KLRG1: variants seen among roughly 807,000 people sequenced by gnomAD.
KLRG1 encodes the protein killer cell lectin-like receptor subfamily G member 1.
In KLRG1, 16 loss-of-function variants were observed where a neutral mutation model predicts 21.8. The ratio of observed to expected loss-of-function variants is 0.73; its 90% CI spans 0.50 to 1.11. KLRG1 has a LOEUF of 1.11. Ranked by LOEUF, KLRG1 falls within the 50% of genes most tolerant of loss-of-function variation. KLRG1 has a pLI of 0.00. For synonymous variants in KLRG1, 69 were observed against 75.9 expected, an observed-to-expected ratio of 0.91 and a Z score of 0.47; for missense variants, 173 against 218.3, an observed-to-expected ratio of 0.79 and a Z score of 1.31.
At chr12:9,185,957 A>G in the KLRG1 span, among the ~76,000 whole-genome samples, 2 of 151,540 alleles carry the variant, frequency 1.3e-5, no homozygotes, top group Non-Finnish European at 2.9e-5. Context: ...ACAGGCGTGC[A>G]CCATCACACC....
At chr12:9,012,912 G>T (rs1213620155), downstream of KLRG1, among the ~76,000 whole-genome samples, 1 of 152,190 alleles carries the variant, frequency 6.6e-6, no homozygotes, top group Non-Finnish European at 1.5e-5. Context: ...CCAGTGCTAT[G>T]CTGGCTTCAG....
intron 1 of KLRG1, chr12:8,990,188 T>C (rs1173455863): frequency 6.7e-6 from 1 of 149,052 alleles, no homozygotes; most frequent in African/African-American, 2.5e-5. Flanking sequence ...TATCTAGTTT[T>C]GTTTTTTTTT....
intron 3 of KLRG1, among the ~76,000 whole-genome samples, chr12:9,006,233 T>C (rs1407122182): frequency 6.6e-6 from 1 of 152,242 alleles, no homozygotes; most frequent in East Asian, 1.9e-4. Context: ...TATGGTGATA[T>C]GTGCTTTAAA....
At chr12:9,161,706 CCTT>C in the KLRG1 span, among the ~76,000 whole-genome samples, 1 of 152,192 alleles carries the variant, frequency 6.6e-6, no homozygotes, top group African/African-American at 2.4e-5. Flanking sequence ...TTAAATTAGT[CCTT>C]CTCAAATGAC....
intron 1 of KLRG1, among the ~76,000 whole-genome samples, chr12:8,980,926 A>G (rs1946745172): frequency 6.6e-6 from 1 of 152,156 alleles, no homozygotes; most frequent in African/African-American, 2.4e-5. Flanking sequence ...AGCTGATGGT[A>G]TTCCTCTTGT....
the KLRG1 span, among the ~76,000 whole-genome samples, chr12:9,074,321 A>G: frequency 1.2e-4 from 19 of 152,096 alleles, no homozygotes; most frequent in Non-Finnish European, 2.2e-4. Flanking sequence ...CAGTGTTGTT[A>G]TGGGAAATAG....
chr12:9,169,299 G>A, the KLRG1 span: 15 of 917,096 alleles, frequency 1.6e-5, no homozygotes, highest in African/African-American at 2.1e-4. Context: ...CCTTTTTATT[G>A]GCTTCATTTT....
the KLRG1 span, among the ~76,000 whole-genome samples, chr12:9,132,839 T>G: frequency 2.6e-5 from 4 of 152,164 alleles, no homozygotes; most frequent in African/African-American, 9.7e-5. Flanking sequence ...AAGAAAAAAT[T>G]TCCACCTGAT....
At chr12:9,023,453 C>G in the KLRG1 span, among the ~76,000 whole-genome samples, 1 of 152,098 alleles carries the variant, frequency 6.6e-6, no homozygotes, top group Non-Finnish European at 1.5e-5. Flanking sequence ...TTAAGGAAAT[C>G]TTTGCCTAGT....
At chr12:9,158,306 C>G in the KLRG1 span, 1 of 1,409,148 alleles carries the variant, frequency 7.1e-7, no homozygotes, top group Non-Finnish European at 9.8e-7. Context: ...TGATGCCATC[C>G]CACATCATCC....
At chr12:9,104,102 A>T in the KLRG1 span, 2 of 851,260 alleles carry the variant, frequency 2.3e-6, no homozygotes, top group Non-Finnish European at 3.5e-6. Flanking sequence ...TAAAAAAGTT[A>T]ACCTTCAATC....
chr12:9,077,594 A>G, the KLRG1 span: 8 of 1,534,926 alleles, frequency 5.2e-6, no homozygotes, highest in Middle Eastern at 1.8e-4. Flanking sequence ...TCCAGGTTTT[A>G]TTTTCCTCTG....
the KLRG1 span, among the ~76,000 whole-genome samples, chr12:9,026,437 C>T: frequency 6.6e-6 from 1 of 152,204 alleles, no homozygotes. Flanking sequence ...CCACTGGCAA[C>T]AGATGAGGGT....
chr12:9,187,380 A>G, the KLRG1 span, among the ~76,000 whole-genome samples: 1 of 152,208 alleles, frequency 6.6e-6, no homozygotes, highest in Non-Finnish European at 1.5e-5. Flanking sequence ...CAACACATAC[A>G]TTCTTCTCAA....
At chr12:9,037,561 CA>C in the KLRG1 span, among the ~76,000 whole-genome samples, 1 of 152,130 alleles carries the variant, frequency 6.6e-6, no homozygotes, top group African/African-American at 2.4e-5. Flanking sequence ...CTTGAGTATA[CA>C]GTGTGTATAA....
chr12:9,205,854 T>C, the KLRG1 span, among the ~76,000 whole-genome samples: 1 of 152,314 alleles, frequency 6.6e-6, no homozygotes, highest in South Asian at 2.1e-4. Context: ...CAAGGATAAT[T>C]GAGTTGTGGA....
chr12:9,109,241 G>T, the KLRG1 span: 1 of 1,153,232 alleles, frequency 8.7e-7, no homozygotes, highest in Non-Finnish European at 1.3e-6. Context: ...ACTGCTCCCG[G>T]AGAGAGTAGT....
chr12:9,197,197 G>C, the KLRG1 span: 1 of 1,014,234 alleles, frequency 9.9e-7, no homozygotes, highest in African/African-American at 1.6e-5. Context: ...CCACAGAACT[G>C]TCCCTCTTTA....
the KLRG1 span, among the ~76,000 whole-genome samples, chr12:9,070,136 TTTTTC>T: frequency 1.3e-5 from 2 of 152,240 alleles, no homozygotes; most frequent in African/African-American, 4.8e-5. Context: ...GCTTGCTCTA[TTTTTC>T]TTTTAACTTC....
Sources: gnomAD v4.1 joint callset for allele counts (sites outside exome capture counted in the v4.1 genomes callset) on GRCh38, gnomAD v4.1.1 for gene constraint, MANE v1.5 for transcripts, NCBI Gene and HGNC (gene_info 2026-07-23, HGNC 2026-07-21) for gene names.